Variants in KALRN observed in about 807,000 individuals in gnomAD.
The protein encoded by KALRN is kalirin RhoGEF kinase.
KALRN carries 70 observed loss-of-function variants against 353.7 expected under a neutral mutation model. That is an observed-to-expected ratio of 0.20 (90% CI 0.16 to 0.24). The LOEUF is 0.24. Among genes scored for constraint, KALRN ranks in the 10% least tolerant of loss-of-function variants. The pLI, the probability that KALRN is intolerant of heterozygous loss-of-function variation, is 1.00. For synonymous variants in KALRN, 1,391 were observed against 1,434.8 expected (o/e 0.97, Z 0.69); for missense variants, 2,791 against 3,756.7 (o/e 0.74, Z 6.72).
chr3:124,435,628 A>G (rs2093433737), intron 17 of KALRN, among the ~76,000 whole-genome samples: 1 of 152,166 alleles, frequency 6.6e-6, no homozygotes, highest in East Asian at 1.9e-4. Context: ...AGCAAATATG[A>G]CATGCGCATC....
intron 51 of KALRN, among the ~76,000 whole-genome samples, chr3:124,687,290 T>C (rs2061607362): frequency 6.6e-6 from 1 of 152,152 alleles, no homozygotes; most frequent in African/African-American, 2.4e-5. Flanking sequence ...ATGTGATTTA[T>C]AAAGAAGAAG....
In KALRN at chr3:124,657,441, G is replaced by A; in HGVS notation, c.5863-7G>A. ...TATGCTACTAACCATTGCCTTTGCT[G>A]CTGCAGGGCTTCATGAAGAGAATAG... On this transcript the variant is annotated splice_region_variant and splice_polypyrimidine_tract_variant and intron_variant, in intron 39 of 59. Coordinates refer to ENST00000682506, the MANE Select transcript of KALRN (RefSeq NM_001388419.1). 1 of 1,605,378 alleles carries A rather than the reference G, an allele frequency of 6.2e-7. No individual in the cohort carries two copies. The highest frequency in any genetic ancestry group is 8.5e-7 in the Non-Finnish European group (1 of 1,171,988).
In KALRN at chr3:124,139,911, C is replaced by T. The variant is rs986200526; in HGVS notation, c.74-88079C>T. ...CTTGATCTCTCTAACTCTGCCTTCA[C>T]GGGAGATAGAAGTGGCTTTTCTGTT... On this transcript the variant is annotated intron_variant, in intron 1 of 59. Transcript: ENST00000682506. Among the ~76,000 whole-genome samples the T allele has an allele frequency of 5.3e-5, 8 of 152,230 alleles. No homozygotes were observed. In the South Asian group the frequency reaches 6.2e-4, roughly 12 times the overall value.
intron 1 of KALRN, among the ~76,000 whole-genome samples, chr3:124,206,416 T>A (rs2076415425): frequency 1.3e-5 from 2 of 152,176 alleles, no homozygotes; most frequent in South Asian, 4.1e-4. Context: ...GTCATACAAC[T>A]GTTCCTAACT....
chr3:124,605,400 C>A (rs1468843659), intron 34 of KALRN, among the ~76,000 whole-genome samples: 1 of 151,476 alleles, frequency 6.6e-6, no homozygotes, highest in East Asian at 2.0e-4. Context: ...TGGTGAAACC[C>A]CATCTCTACT....
At chr3:124,467,878 GGAA>G (rs1440304425) in intron 25 of KALRN, among the ~76,000 whole-genome samples, 1 of 152,122 alleles carries the variant, frequency 6.6e-6, no homozygotes, top group Non-Finnish European at 1.5e-5. Flanking sequence ...TAAGGAGAAA[GGAA>G]GAGATAGAGA....
chr3:124,108,784 G>T (rs1265624424), intron 1 of KALRN, among the ~76,000 whole-genome samples: 1 of 152,114 alleles, frequency 6.6e-6, no homozygotes, highest in Non-Finnish European at 1.5e-5. Flanking sequence ...GATTTGGGGG[G>T]TGGTTTGTAT....
chr3:124,712,865 A>T, intron 57 of KALRN, 70 bp from the exon 58 acceptor site: 1 of 1,106,296 alleles, frequency 9.0e-7, no homozygotes, highest in African/African-American at 1.6e-5. Context: ...ACAAAACTTT[A>T]CTTATCCATG....
intron 20 of KALRN, 24 bp downstream of exon 20, chr3:124,446,300 C>A: frequency 6.4e-7 from 1 of 1,551,124 alleles, no homozygotes; most frequent in South Asian, 1.1e-5. Flanking sequence ...TTCCCTGGCA[C>A]TATCTCAGTT....
At chr3:124,053,039 G>C (rs1285385857) in intron 1 of KALRN, among the ~76,000 whole-genome samples, 1 of 152,078 alleles carries the variant, frequency 6.6e-6, no homozygotes. Context: ...TCTAGGATTT[G>C]GATTATATTT....
At chr3:124,458,569 G>T (rs539100568) in intron 23 of KALRN, among the ~76,000 whole-genome samples, 2 of 152,232 alleles carry the variant, frequency 1.3e-5, no homozygotes, top group South Asian at 2.1e-4. Flanking sequence ...AAAACAAGAA[G>T]TATTTTATAC....
chr3:124,307,988 G>T lies in KALRN; in HGVS notation c.1092+9075G>T, dbSNP rs557974142. On this transcript the variant is annotated intron_variant, in intron 6 of 59. Coordinates refer to ENST00000682506, the MANE Select transcript of KALRN (RefSeq NM_001388419.1). Reference sequence around the variant, plus strand: ...TAGAAAAACATGTATTATGCAAACAGCAATCAGAAGAATAGCCAAGTGACT... The same window carrying T: ...TAGAAAAACATGTATTATGCAAACATCAATCAGAAGAATAGCCAAGTGACT... Among the ~76,000 whole-genome samples, 13 of 152,078 alleles carry T rather than the reference G, an allele frequency of 8.5e-5. No individual in the cohort carries two copies. The South Asian group carries it at 2.5e-3, about 29-fold the overall frequency.
At chr3:124,626,677 T>G (rs934401355) in intron 34 of KALRN, among the ~76,000 whole-genome samples, 1 of 152,230 alleles carries the variant, frequency 6.6e-6, no homozygotes, top group African/African-American at 2.4e-5. Flanking sequence ...AGCCCTAGAA[T>G]AGGCCTAGGG....
chr3:124,455,870 G>T (rs2059262038), intron 22 of KALRN, among the ~76,000 whole-genome samples: 1 of 152,160 alleles, frequency 6.6e-6, no homozygotes, highest in East Asian at 1.9e-4. Flanking sequence ...TTATAATAGG[G>T]GTTAGTAACC....
intron 42 of KALRN, 134 bp from the exon 43 acceptor site, chr3:124,659,231 C>T: frequency 1.4e-6 from 1 of 697,508 alleles, no homozygotes; most frequent in East Asian, 2.5e-5. Flanking sequence ...GCAATTTTAC[C>T]TCTCACATTA....
intron 1 of KALRN, among the ~76,000 whole-genome samples, chr3:124,103,814 G>A (rs563460787): frequency 5.3e-5 from 8 of 152,122 alleles, no homozygotes; most frequent in African/African-American, 1.9e-4. Context: ...AAATTAGCCG[G>A]GTGTGACGGC....
Position 124,717,430 on chromosome 3 carries a change from A to T in KALRN, c.8415+45A>T, listed in dbSNP as rs376078357. 4.7e-4 allele frequency: 688 copies of T among 1,468,386 alleles called. 5 individuals carry two copies. The highest frequency in any genetic ancestry group is 4.0e-3 in the East Asian group (169 of 42,118). The allele number at this position is 1,468,386 out of a possible 1,614,324, so 91.0% of individuals were successfully genotyped here. On this transcript the variant is annotated intron_variant, in intron 59 of 59. Transcript: ENST00000682506. The stretch of plus-strand genomic sequence containing the variant: ...TGCTGGGCGCAGTGGCTCACGCCTG[A>T]AATCCCAGCACTTTGGGAGGCCAAG...
chr3:124,233,517 T>C (rs2079415225), intron 2 of KALRN, among the ~76,000 whole-genome samples: 1 of 152,168 alleles, frequency 6.6e-6, no homozygotes, highest in Non-Finnish European at 1.5e-5. Context: ...CACTTTTTCA[T>C]CAGGGCTGAA....
chr3:124,666,457 G>A lies in KALRN; in HGVS notation c.6354G>A (p.Leu2118=). 1.2e-6 allele frequency: 2 copies of A among 1,613,906 alleles called. No homozygotes were observed. The highest frequency in any genetic ancestry group is 1.7e-6 in the Non-Finnish European group (2 of 1,179,844). ...GCCCGTCTTTCCTTCAGGGCACTCT[G>A]ACTGCTCAGGGGAAGCTGCTGCAGC... ...LGRLQGFEGT[L]TAQGKLLQQD... The change falls in exon 46 of 60, where the codon CTG becomes CTA. Residue 2118 remains leucine, a synonymous_variant. Transcript: ENST00000682506.
Sources: gnomAD v4.1 joint callset for allele counts (sites outside exome capture counted in the v4.1 genomes callset) on GRCh38, gnomAD v4.1.1 for gene constraint, MANE v1.5 for transcripts, NCBI Gene and HGNC (gene_info 2026-07-23, HGNC 2026-07-21) for gene names.